Variants in ARHGAP22 observed in about 807,000 individuals in gnomAD.
ARHGAP22 encodes the protein rho GTPase-activating protein 22.
Under a neutral mutation model 59.1 loss-of-function variants are expected in ARHGAP22, and 48 were observed. The ratio of observed to expected loss-of-function variants is 0.81; its 90% CI spans 0.64 to 1.03. ARHGAP22 has a LOEUF of 1.03. Ranked by LOEUF, ARHGAP22 falls within the 50% of genes least tolerant of loss-of-function variation. ARHGAP22 has a pLI of 0.00. For missense variants in ARHGAP22, 1,015 were observed against 958.7 expected (o/e 1.06, Z -0.78); for synonymous variants, 445 against 416.4 (o/e 1.07, Z -0.84).
chr10:48,647,117 G>C lies in ARHGAP22; in HGVS notation c.52+5117C>G, dbSNP rs760425930. Among the ~76,000 whole-genome samples the C allele has an allele frequency of 2.6e-5, 4 of 152,198 alleles. No individual in the cohort carries two copies. In the East Asian group the frequency reaches 7.7e-4, roughly 29 times the overall value. The stretch of plus-strand genomic sequence containing the variant: ...CCAAAGAAGACATACAAACAGGCTG[G>C]GCTTGGTGGTTTACACTTGTAATCC... On this transcript the variant is annotated intron_variant, in intron 1 of 9. Coordinates refer to the ARHGAP22 transcript ENST00000435790.
upstream of ARHGAP22, among the ~76,000 whole-genome samples, chr10:48,654,786 CTTT>C: frequency 1.5e-5 from 1 of 68,254 alleles, no homozygotes; most frequent in Non-Finnish European, 3.4e-5. Flanking sequence ...TTCTTTCTTT[CTTT>C]CTTTCTTTCT....
intron 3 of ARHGAP22, among the ~76,000 whole-genome samples, chr10:48,544,013 A>G (rs2056203260): frequency 6.6e-6 from 1 of 152,172 alleles, no homozygotes; most frequent in African/African-American, 2.4e-5. Context: ...AATCCCAGCT[A>G]CTTGGGAGGC....
intron 3 of ARHGAP22, among the ~76,000 whole-genome samples, chr10:48,548,736 C>T (rs1212721061): frequency 6.6e-6 from 1 of 152,222 alleles, no homozygotes; most frequent in African/African-American, 2.4e-5. Flanking sequence ...CTGCAAGGAG[C>T]AGACAGCTTT....
chr10:48,653,271 A>G (rs1341664736), upstream of ARHGAP22, among the ~76,000 whole-genome samples: 1 of 152,230 alleles, frequency 6.6e-6, no homozygotes, highest in East Asian at 1.9e-4. Context: ...TTAAAAACCA[A>G]TCACTGCTAT....
At chr10:48,528,008 C>T (rs1178101587) in intron 3 of ARHGAP22, among the ~76,000 whole-genome samples, 1 of 152,208 alleles carries the variant, frequency 6.6e-6, no homozygotes, top group African/African-American at 2.4e-5. Flanking sequence ...GGGATAGAGG[C>T]TGCCCCATTC....
Position 48,604,817 on chromosome 10 carries a change from A to T in ARHGAP22, c.-21T>A. ...AGCATGTTCTTGCAGCCGTCCGGCCAGCCCCGCAGGGCCGTTCATGCTGTC... is the reference window on the plus strand; with the variant it reads ...AGCATGTTCTTGCAGCCGTCCGGCCTGCCCCGCAGGGCCGTTCATGCTGTC... On this transcript the variant is annotated 5_prime_UTR_variant, in exon 1 of 10. Transcript: ENST00000249601. 2 of 1,614,188 alleles carry T rather than the reference A, an allele frequency of 1.2e-6. No homozygotes were observed. Among genetic ancestry groups the T allele is most frequent in the South Asian group, 1.1e-5 (1 of 91,086 alleles).
chr10:48,542,625 A>G (rs958735673), intron 3 of ARHGAP22, among the ~76,000 whole-genome samples: 2 of 152,096 alleles, frequency 1.3e-5, no homozygotes, highest in Non-Finnish European at 2.9e-5. Flanking sequence ...TGCCCAGTGG[A>G]GGCCTGACCA....
rs113146968 is a variant in ARHGAP22 at position 48,537,694 on chromosome 10, C to G, written c.322+17769G>C. On this transcript the variant is annotated intron_variant, in intron 3 of 9. Transcript: ENST00000249601. ...CAGGGGGGAAGCAGCAGGTCCTCTC[C>G]TCGGTCTCTTGGATGCCTGCAGCTC... Among the ~76,000 whole-genome samples, 618 of 152,358 alleles carry G rather than the reference C, an allele frequency of 4.1e-3. 4 individuals carry two copies. Among genetic ancestry groups the G allele is most frequent in the African/African-American group, 0.014 (584 of 41,590 alleles).
intron 2 of ARHGAP22, among the ~76,000 whole-genome samples, chr10:48,570,627 C>T (rs2058338717): frequency 6.6e-6 from 1 of 152,068 alleles, no homozygotes; most frequent in South Asian, 2.1e-4. Context: ...TAATCAGTTG[C>T]TTGTTCTTTT....
At chr10:48,493,516 G>A (rs1205203301) in intron 3 of ARHGAP22, 2 of 1,534,878 alleles carry the variant, frequency 1.3e-6, no homozygotes, top group Admixed American at 2.0e-5. Flanking sequence ...GGGCTGCAGT[G>A]AGAGGAGCAG....
intron 3 of ARHGAP22, among the ~76,000 whole-genome samples, chr10:48,507,172 C>T (rs959091049): frequency 3.9e-5 from 6 of 152,234 alleles, no homozygotes; most frequent in African/African-American, 7.2e-5. Flanking sequence ...CCCTTCCATA[C>T]ACAGAGCATC....
At chr10:48,617,096 G>T (rs1035718531) in intron 1 of ARHGAP22, among the ~76,000 whole-genome samples, 4 of 151,642 alleles carry the variant, frequency 2.6e-5, no homozygotes, top group African/African-American at 4.8e-5. Context: ...TAGAAAAAAA[G>T]TTTTGTAATA....
In ARHGAP22 at chr10:48,565,406, T is replaced by C. The variant is rs1009336852; in HGVS notation, c.235-9856A>G. Among the ~76,000 whole-genome samples the C allele has an allele frequency of 3.3e-5, 5 of 152,304 alleles. 1 individual carries two copies. The South Asian group carries it at 1.0e-3, about 32-fold the overall frequency. On this transcript the variant is annotated intron_variant, in intron 2 of 9. Coordinates refer to ENST00000249601, the MANE Select transcript of ARHGAP22 (RefSeq NM_021226.4). ...CTGGGGGTCAGGGTCAGACAGGTCCTCCACCAACCCGGCTGAACCTCCGTT... is the reference window on the plus strand; with the variant it reads ...CTGGGGGTCAGGGTCAGACAGGTCCCCCACCAACCCGGCTGAACCTCCGTT...
At chr10:48,500,107 G>A (rs974731696) in intron 3 of ARHGAP22, among the ~76,000 whole-genome samples, 13 of 152,210 alleles carry the variant, frequency 8.5e-5, no homozygotes, top group Non-Finnish European at 1.6e-4. Flanking sequence ...GGAGGCCAAA[G>A]TTGGAAGACT....
chr10:48,485,506 T>C (rs2049767358), intron 3 of ARHGAP22, among the ~76,000 whole-genome samples: 1 of 152,214 alleles, frequency 6.6e-6, no homozygotes, highest in African/African-American at 2.4e-5. Context: ...AAATGTCAAT[T>C]TGGTCTAGTT....
intron 1 of ARHGAP22, among the ~76,000 whole-genome samples, chr10:48,596,762 A>G (rs2060091477): frequency 6.6e-6 from 1 of 152,160 alleles, no homozygotes; most frequent in South Asian, 2.1e-4. Flanking sequence ...GGCTCCTTGG[A>G]AGAGACCGTG....
chr10:48,613,202 C>T (rs1299774917), intron 1 of ARHGAP22, among the ~76,000 whole-genome samples: 1 of 152,182 alleles, frequency 6.6e-6, no homozygotes, highest in Non-Finnish European at 1.5e-5. Flanking sequence ...TCACATGCTT[C>T]TTAATGGAGC....
intron 3 of ARHGAP22, among the ~76,000 whole-genome samples, chr10:48,491,937 A>G (rs1177771930): frequency 6.6e-6 from 1 of 152,186 alleles, no homozygotes; most frequent in East Asian, 1.9e-4. Flanking sequence ...TGGCTTGTTC[A>G]AGGGCACCAG....
intron 1 of ARHGAP22, among the ~76,000 whole-genome samples, chr10:48,630,435 C>T (rs3910911): frequency 0.56 from 85,796 of 151,986 alleles, 24,816 homozygotes; most frequent in African/African-American, 0.69. Flanking sequence ...TCCATGACAG[C>T]GGAACATCTC....
Sources: gnomAD v4.1 joint callset for allele counts (sites outside exome capture counted in the v4.1 genomes callset) on GRCh38, gnomAD v4.1.1 for gene constraint, MANE v1.5 for transcripts, NCBI Gene and HGNC (gene_info 2026-07-23, HGNC 2026-07-21) for gene names.